The following TAB2 variants were observed in gnomAD, a reference collection of about 807,000 sequenced individuals.
TAB2 encodes TGF-beta-activated kinase 1 and MAP3K7-binding protein 2.
TAB2 carries 3 observed loss-of-function variants against 65.0 expected under a neutral mutation model. The observed-to-expected ratio is 0.05, with a 90% CI of 0.02 to 0.12. The LOEUF is 0.12. Among genes scored for constraint, TAB2 ranks in the 10% least tolerant of loss-of-function variants. The pLI is 1.00. For missense variants in TAB2, 623 were observed against 840.3 expected (o/e 0.74, Z 3.20); for synonymous variants, 298 against 285.1 (o/e 1.05, Z -0.46).
intron 1 of TAB2, among the ~76,000 whole-genome samples, chr6:149,253,523 C>T (rs928601433): frequency 2.7e-5 from 4 of 145,868 alleles, no homozygotes; most frequent in Non-Finnish European, 4.5e-5. Flanking sequence ...CCCAGCTACT[C>T]GTAGAAGAAT....
intron 1 of TAB2, among the ~76,000 whole-genome samples, chr6:149,358,854 G>A (rs1342756689): frequency 6.7e-6 from 1 of 149,712 alleles, no homozygotes; most frequent in Non-Finnish European, 1.5e-5. Context: ...CTGCTTTCTG[G>A]TTGCTATTCT....
At chr6:149,266,895 C>T (rs12213053) in intron 1 of TAB2, among the ~76,000 whole-genome samples, 19 of 152,094 alleles carry the variant, frequency 1.2e-4, no homozygotes, top group African/African-American at 3.9e-4. Context: ...ATTGTAGAAC[C>T]GAAAATGCAA....
In TAB2 at chr6:149,397,947, CTT is replaced by C; in HGVS notation, c.1765-21_1765-20del. The C allele has an allele frequency of 1.9e-6, 3 of 1,607,228 alleles. No individual in the cohort carries two copies. Among genetic ancestry groups the C allele is most frequent in the Non-Finnish European group, 2.6e-6 (3 of 1,175,178 alleles). On this transcript the variant is annotated intron_variant, in intron 4 of 6. Transcript: ENST00000637181. ...GACTAAGAATTCAGTGCAAATCTTACTTACATAGAATTATTTTTCAGCTTGAA... is the reference window on the plus strand; with the variant it reads ...GACTAAGAATTCAGTGCAAATCTTACACATAGAATTATTTTTCAGCTTGAA...
At chr6:149,332,306 T>G (rs1282462568) in intron 1 of TAB2, among the ~76,000 whole-genome samples, 2 of 152,216 alleles carry the variant, frequency 1.3e-5, no homozygotes, top group African/African-American at 4.8e-5. Context: ...GGAGTTGATG[T>G]GAAAGAAGTT....
chr6:149,229,665 C>G (rs1373452701), intron 1 of TAB2, among the ~76,000 whole-genome samples: 1 of 152,116 alleles, frequency 6.6e-6, no homozygotes, highest in African/African-American at 2.4e-5. Flanking sequence ...GGGCCGGGAT[C>G]TGGGGACCTG....
intron 1 of TAB2, among the ~76,000 whole-genome samples, chr6:149,295,461 C>T (rs501651): frequency 0.4 from 61,198 of 151,986 alleles, 13,912 homozygotes; most frequent in African/African-American, 0.63. Flanking sequence ...TCTTCAAATA[C>T]TACCTTTTCC....
intron 1 of TAB2, among the ~76,000 whole-genome samples, chr6:149,343,824 A>G (rs980060412): frequency 6.6e-6 from 1 of 152,210 alleles, no homozygotes; most frequent in African/African-American, 2.4e-5. Context: ...ATATAGATGT[A>G]GAAACAGAAT....
Position 149,379,209 on chromosome 6 carries a change from T to C in TAB2, c.1294T>C (p.Phe432Leu). Residue 432 changes from phenylalanine to leucine, a missense_variant, in exon 3 of 7, where the codon TTT becomes CTT. Phe to Leu is a conservative substitution (Grantham distance 22). Transcript: ENST00000637181. The part of the protein sequence containing the change: ...MSGQVSMGPA[F>L]IHHHPPKSRA... ...TGGGCAAGTGAGCATGGGTCCTGCC[T>C]TTATTCATCACCATCCTCCCAAAAG... 1 of 1,614,204 alleles carries C rather than the reference T, an allele frequency of 6.2e-7. No individual in the cohort carries two copies. Among genetic ancestry groups the C allele is most frequent in the Non-Finnish European group, 8.5e-7 (1 of 1,180,028 alleles).
At chr6:149,251,427 G>A (rs2114655145) in intron 1 of TAB2, among the ~76,000 whole-genome samples, 1 of 152,296 alleles carries the variant, frequency 6.6e-6, no homozygotes, top group Non-Finnish European at 1.5e-5. Context: ...GAAATAAATT[G>A]TAGCTCTAGC....
At position 149,409,790 on chromosome 6, in the gene TAB2, GTTTCAC is replaced by G; in HGVS notation, c.*73_*78del. On this transcript the variant is annotated 3_prime_UTR_variant, in exon 7 of 7. Transcript: ENST00000637181. ...GAAACTAGTCTGTCATCGGGAAAAA[GTTTCAC>G]TGCTACATAGGATTTTGTCAAATTG... 1 of 1,559,824 alleles carries G rather than the reference GTTTCAC, an allele frequency of 6.4e-7. No homozygotes were observed. The highest frequency in any genetic ancestry group is 8.8e-7 in the Non-Finnish European group (1 of 1,132,340).
intron 1 of TAB2, among the ~76,000 whole-genome samples, chr6:149,256,619 A>G (rs531899045): frequency 7.2e-5 from 11 of 152,152 alleles, no homozygotes; most frequent in Admixed American, 2.6e-4. Flanking sequence ...TCTTTTTAAT[A>G]TGTTTATTGC....
chr6:149,284,273 C>A (rs144701352), intron 1 of TAB2, among the ~76,000 whole-genome samples: 1 of 152,124 alleles, frequency 6.6e-6, no homozygotes, highest in Non-Finnish European at 1.5e-5. Flanking sequence ...AACCTCTACC[C>A]GCTGACCTGT....
intron 1 of TAB2, among the ~76,000 whole-genome samples, chr6:149,270,562 T>G (rs1778341695): frequency 5.9e-5 from 9 of 152,192 alleles, no homozygotes; most frequent in Admixed American, 5.9e-4. Flanking sequence ...ACATGTTAAT[T>G]AGCTAGATTT....
At chr6:149,249,174 A>G (rs972856552) in intron 1 of TAB2, among the ~76,000 whole-genome samples, 4 of 150,896 alleles carry the variant, frequency 2.7e-5, no homozygotes, top group East Asian at 3.9e-4. Context: ...ACACACGCAC[A>G]CACACACACA....
intron 1 of TAB2, among the ~76,000 whole-genome samples, chr6:149,319,389 C>T (rs919429730): frequency 6.6e-6 from 1 of 152,108 alleles, no homozygotes; most frequent in Admixed American, 6.5e-5. Context: ...AATTTTGAAA[C>T]CATGGCAGTT....
intron 1 of TAB2, among the ~76,000 whole-genome samples, chr6:149,343,637 C>T (rs998512664): frequency 1.3e-5 from 2 of 152,026 alleles, no homozygotes; most frequent in East Asian, 3.8e-4. Context: ...CTTGATTACC[C>T]AAAAGAAACC....
rs140931899 is a variant in TAB2 at position 149,251,931 on chromosome 6, C to T, written c.-121+33155C>T. ...CAAAGAAGGAATTAATGTACAAGAA[C>T]CATTGAAAGGAACATGATTTTCTTT... is the stretch of plus-strand genomic sequence containing the variant. On this transcript the variant is annotated intron_variant, in intron 1 of 1. Coordinates refer to the TAB2 transcript ENST00000606202. 3.0e-3 allele frequency among the ~76,000 whole-genome samples: 460 copies of T among 152,162 alleles called. 5 individuals are homozygous for T. The highest frequency in any genetic ancestry group is 0.011 in the African/African-American group (445 of 41,514).
chr6:149,307,585 T>C (rs935063301), intron 1 of TAB2, among the ~76,000 whole-genome samples: 1 of 152,200 alleles, frequency 6.6e-6, no homozygotes, highest in African/African-American at 2.4e-5. Context: ...TGTCATTTTG[T>C]TCCAAATTCT....
intron 1 of TAB2, among the ~76,000 whole-genome samples, chr6:149,355,133 C>T (rs946622472): frequency 2.0e-5 from 3 of 152,020 alleles, no homozygotes; most frequent in Admixed American, 6.6e-5. Context: ...CATGATGCGC[C>T]GCCCCTATAC....
Sources: allele counts gnomAD v4.1 joint callset (sites outside exome capture counted in the v4.1 genomes callset), GRCh38; gene constraint gnomAD v4.1.1; transcripts MANE v1.5; gene names NCBI Gene and HGNC (gene_info 2026-07-23, HGNC 2026-07-21).